The following NEXMIF variants were observed in gnomAD, a reference collection of about 807,000 sequenced individuals.
The protein encoded by NEXMIF is XLMR protein related to neurite extension.
Under a neutral mutation model 62.1 loss-of-function variants are expected in NEXMIF, and 8 were observed. The ratio of observed to expected loss-of-function variants is 0.13; its 90% CI spans 0.08 to 0.23. NEXMIF has a LOEUF of 0.23. Ranked by LOEUF, NEXMIF falls within the 10% of genes least tolerant of loss-of-function variation. The pLI is 1.00. For missense variants in NEXMIF, 976 were observed against 1,113.3 expected, an observed-to-expected ratio of 0.88 and a Z score of 1.75; for synonymous variants, 404 against 416.6, an observed-to-expected ratio of 0.97 and a Z score of 0.37.
chrX:74,806,918 C>T (rs1485497393), intron 1 of NEXMIF, among the ~76,000 whole-genome samples: 1 of 112,714 alleles, frequency 8.9e-6, no homozygotes, highest in East Asian at 2.8e-4. Flanking sequence ...TTGTCTGTTG[C>T]CAATTCCACA....
At chrX:74,879,724 TTTC>T (rs1207311647) in intron 1 of NEXMIF, among the ~76,000 whole-genome samples, 1 of 112,042 alleles carries the variant, frequency 8.9e-6, no homozygotes, top group Non-Finnish European at 1.9e-5. Context: ...ACTATTCACT[TTTC>T]AGAATGTTTT....
intron 1 of NEXMIF, among the ~76,000 whole-genome samples, chrX:74,912,971 G>A (rs1439225174): frequency 8.9e-6 from 1 of 111,748 alleles, no homozygotes; most frequent in Non-Finnish European, 1.9e-5. Context: ...CTAGAGCAGT[G>A]CCAGAGAAAG....
At chrX:74,869,284 A>T (rs1321106250) in intron 1 of NEXMIF, among the ~76,000 whole-genome samples, 1 of 111,633 alleles carries the variant, frequency 9.0e-6, no homozygotes, top group African/African-American at 3.3e-5. Flanking sequence ...CCTTCATGAT[A>T]AAAACCCTCA....
intron 1 of NEXMIF, among the ~76,000 whole-genome samples, chrX:74,892,481 C>T (rs915201766): frequency 2.7e-5 from 3 of 111,924 alleles, no homozygotes; most frequent in Admixed American, 9.5e-5. Flanking sequence ...TTTTTATACC[C>T]GTAAACCCTA....
chrX:74,901,740 A>T (rs2080750245), intron 1 of NEXMIF, among the ~76,000 whole-genome samples: 2 of 111,420 alleles, frequency 1.8e-5, no homozygotes, highest in Non-Finnish European at 3.8e-5. Context: ...CTATGATAGC[A>T]TCTCACACTT....
At chrX:74,841,599 G>A (rs1250358833) in intron 1 of NEXMIF, among the ~76,000 whole-genome samples, 1 of 111,786 alleles carries the variant, frequency 8.9e-6, no homozygotes, top group Non-Finnish European at 1.9e-5. Flanking sequence ...CATTCCGCAT[G>A]TTGTTGGCTG....
chrX:74,825,167 AT>A (rs2080411045), intron 1 of NEXMIF, among the ~76,000 whole-genome samples: 1 of 111,262 alleles, frequency 9.0e-6, no homozygotes, highest in South Asian at 3.8e-4. Context: ...ATTTTTTCAT[AT>A]CTTTTCTGTT....
chrX:74,907,438 T>C (rs2080773114), intron 1 of NEXMIF, among the ~76,000 whole-genome samples: 1 of 104,626 alleles, frequency 9.6e-6, no homozygotes, highest in Non-Finnish European at 1.9e-5. Context: ...CTGTACCTGA[T>C]AGAGAGTGTA....
intron 1 of NEXMIF, among the ~76,000 whole-genome samples, chrX:74,890,758 T>A (rs998590716): frequency 1.8e-5 from 2 of 110,875 alleles, no homozygotes; most frequent in Admixed American, 1.9e-4. Context: ...TGGCCAAGTG[T>A]GAAAACACAA....
At chrX:74,803,065 T>C (rs1233416878) in intron 1 of NEXMIF, among the ~76,000 whole-genome samples, 2 of 110,082 alleles carry the variant, frequency 1.8e-5, no homozygotes, top group Non-Finnish European at 3.8e-5. Context: ...ACTTACAAGA[T>C]CTAGAAAATA....
chrX:74,802,286 C>A (rs1183200639), intron 1 of NEXMIF, among the ~76,000 whole-genome samples: 1 of 111,422 alleles, frequency 9.0e-6, no homozygotes, highest in Non-Finnish European at 1.9e-5. Flanking sequence ...AGATCTGACC[C>A]AGCACAGTCC....
At chrX:74,887,117 A>T (rs1191661606) in intron 1 of NEXMIF, among the ~76,000 whole-genome samples, 4 of 112,359 alleles carry the variant, frequency 3.6e-5, no homozygotes, top group Non-Finnish European at 5.6e-5. Context: ...CTGAAACTGG[A>T]TCCCTTCCTT....
chrX:74,796,230 A>T (rs1298822900), intron 1 of NEXMIF, among the ~76,000 whole-genome samples: 4 of 39,792 alleles, frequency 1.0e-4, no homozygotes, highest in African/African-American at 4.1e-4. Context: ...TACATATATA[A>T]TATATATATA....
intron 1 of NEXMIF, among the ~76,000 whole-genome samples, chrX:74,903,716 G>A (rs1223730389): frequency 1.8e-5 from 2 of 111,586 alleles, no homozygotes; most frequent in African/African-American, 6.5e-5. Context: ...GTGACTTTGA[G>A]CGAGCAGGTT....
intron 1 of NEXMIF, among the ~76,000 whole-genome samples, chrX:74,747,947 A>C (rs2080130843): frequency 8.9e-6 from 1 of 112,091 alleles, no homozygotes; most frequent in African/African-American, 3.2e-5. Flanking sequence ...GGACAAGAAC[A>C]CTATGTCAGG....
Position 74,738,810 on chromosome X carries a change from A to G in NEXMIF, c.*595T>C, listed in dbSNP as rs773611787. 2.8e-5 allele frequency: 3 copies of G among 108,986 alleles called. No homozygotes were observed. Among genetic ancestry groups the G allele is most frequent in the East Asian group, 5.8e-4 (2 of 3,468 alleles). The allele number at this position is 108,986 out of a possible 1,213,427, so 9.0% of individuals were successfully genotyped here. A position where few individuals can be genotyped will look rare whatever the true frequency, so the allele number is the denominator to read the frequency against. ...TTCCACACAGGACAGTAGAGTCTAAAACTTTAAAAGAACGTGTGTGTGTGT... is the reference window on the plus strand; with the variant it reads ...TTCCACACAGGACAGTAGAGTCTAAGACTTTAAAAGAACGTGTGTGTGTGT... On this transcript the variant is annotated 3_prime_UTR_variant, in exon 4 of 4. Coordinates refer to ENST00000055682, the MANE Select transcript of NEXMIF (RefSeq NM_001008537.3).
chrX:74,772,280 A>G (rs996929453), intron 1 of NEXMIF, among the ~76,000 whole-genome samples: 4 of 112,414 alleles, frequency 3.6e-5, no homozygotes, highest in African/African-American at 1.3e-4. Context: ...CTCCTCCACT[A>G]CAGTGTGGAT....
chrX:74,836,619 G>C (rs915507948), intron 1 of NEXMIF, among the ~76,000 whole-genome samples: 1 of 111,353 alleles, frequency 9.0e-6, no homozygotes, highest in African/African-American at 3.3e-5. Flanking sequence ...TCACGACTCT[G>C]CCTGGTACCC....
intron 1 of NEXMIF, among the ~76,000 whole-genome samples, chrX:74,747,801 A>G (rs996935675): frequency 9.0e-6 from 1 of 111,372 alleles, no homozygotes; most frequent in African/African-American, 3.3e-5. Context: ...TTTTTAGTAG[A>G]GATGGGATTT....
Sources: allele counts gnomAD v4.1 joint callset (sites outside exome capture counted in the v4.1 genomes callset), GRCh38; gene constraint gnomAD v4.1.1; transcripts MANE v1.5; gene names NCBI Gene and HGNC (gene_info 2026-07-23, HGNC 2026-07-21).